PCDHA7: variants seen among roughly 807,000 people sequenced by gnomAD.
PCDHA7 encodes the protein protocadherin alpha-7.
PCDHA7 carries 37 observed loss-of-function variants against 57.2 expected under a neutral mutation model. The ratio of observed to expected loss-of-function variants is 0.65; its 90% CI spans 0.50 to 0.85. The LOEUF (loss-of-function observed/expected upper bound fraction) is 0.85. Among genes scored for constraint, PCDHA7 ranks in the 40% least tolerant of loss-of-function variants. PCDHA7 has a pLI of 0.00. For synonymous variants in PCDHA7, 553 were observed against 558.8 expected, an observed-to-expected ratio of 0.99 and a Z score of 0.15; for missense variants, 1,188 against 1,241.8, an observed-to-expected ratio of 0.96 and a Z score of 0.65.
chr5:140,866,445 T>G (rs2049364254), intron 1 of PCDHA7: 1 of 152,140 alleles, frequency 6.6e-6, no homozygotes, highest in South Asian at 2.1e-4. Flanking sequence ...TCTTCAGTCT[T>G]ATTGTTGGCT....
In PCDHA7 at chr5:141,000,418, TATA is replaced by T. The variant is rs1442097844; in HGVS notation, c.2504-9208_2504-9206del. 6.0e-3 allele frequency among the ~76,000 whole-genome samples: 500 copies of T among 83,616 alleles called. 3 individuals are homozygous for T. The highest frequency in any genetic ancestry group is 7.2e-3 in the African/African-American group (142 of 19,618). 54.9% of individuals were successfully genotyped at this position (83,616 alleles called of 152,430 possible). A position where few individuals can be genotyped will look rare whatever the true frequency, so the allele number is the denominator to read the frequency against. ...CTCTATATATATATATATATATATA[TATA>T]TTTTTTTTTTTTTTTTTTTTTTTGA... On this transcript the variant is annotated intron_variant, in intron 3 of 3. Coordinates refer to ENST00000525929, the MANE Select transcript of PCDHA7 (RefSeq NM_018910.3).
chr5:140,908,846 T>C (rs2074185614), intron 1 of PCDHA7, among the ~76,000 whole-genome samples: 1 of 152,176 alleles, frequency 6.6e-6, no homozygotes, highest in South Asian at 2.1e-4. Context: ...TGGAGTAACA[T>C]ACCCAAATGA....
At chr5:140,946,797 CAG>C (rs1279078142) in intron 1 of PCDHA7, among the ~76,000 whole-genome samples, 2 of 151,052 alleles carry the variant, frequency 1.3e-5, no homozygotes, top group Non-Finnish European at 3.0e-5. Context: ...CTTATAGAAG[CAG>C]AGAGTATAAC....
intron 1 of PCDHA7, among the ~76,000 whole-genome samples, chr5:140,944,988 G>A (rs1554216650): frequency 6.6e-6 from 1 of 152,048 alleles, no homozygotes; most frequent in Non-Finnish European, 1.5e-5. Flanking sequence ...GTCTACTTCT[G>A]TAACGGTTGT....
At position 140,857,694 on chromosome 5, in the gene PCDHA7, C is replaced by T. The variant is rs1554150531; in HGVS notation, c.2355+20956C>T. 1 of 1,597,142 alleles carries T rather than the reference C, an allele frequency of 6.3e-7. No individual in the cohort carries two copies. Among genetic ancestry groups the T allele is most frequent in the Non-Finnish European group, 8.6e-7 (1 of 1,167,746 alleles). On this transcript the variant is annotated intron_variant, in intron 1 of 3. Coordinates refer to ENST00000525929, the MANE Select transcript of PCDHA7 (RefSeq NM_018910.3). Reference sequence around the variant, plus strand: ...GTGCCGCCTCTGGGCAGCAACTTGACGCTGCAGGTGTTCGTGCTGGACGAG... The same window carrying T: ...GTGCCGCCTCTGGGCAGCAACTTGATGCTGCAGGTGTTCGTGCTGGACGAG...
chr5:140,966,520 C>T, intron 1 of PCDHA7: 1 of 437,694 alleles, frequency 2.3e-6, no homozygotes, highest in East Asian at 3.5e-5. Context: ...CAGCAGGAAG[C>T]CGAGCCGGGT....
chr5:140,851,914 A>C (rs1213624827), intron 1 of PCDHA7: 2 of 969,578 alleles, frequency 2.1e-6, no homozygotes, highest in East Asian at 2.3e-4. Context: ...ATGTCACTAC[A>C]TGTTATGTTT....
chr5:140,869,442 G>A (rs782686984), intron 1 of PCDHA7: 3 of 1,614,208 alleles, frequency 1.9e-6, no homozygotes, highest in African/African-American at 1.3e-5. Flanking sequence ...TGGACAGGCC[G>A]CTGCAGGTTT....
At chr5:140,905,950 T>C (rs2072233262) in intron 1 of PCDHA7, among the ~76,000 whole-genome samples, 1 of 152,206 alleles carries the variant, frequency 6.6e-6, no homozygotes, top group Non-Finnish European at 1.5e-5. Flanking sequence ...TGGAATCCGA[T>C]GTTCAAGGGG....
chr5:140,850,923 A>AT lies in PCDHA7; in HGVS notation c.2355+14193dup, dbSNP rs2150502772. On this transcript the variant is annotated intron_variant, in intron 1 of 3. Coordinates refer to ENST00000525929, the MANE Select transcript of PCDHA7 (RefSeq NM_018910.3). ...TTCTAGCATTTTATTTATTTATATA[A>AT]TTTTTTTTCTTGAAAGATATTATCG... 4.0e-5 allele frequency: 61 copies of AT among 1,521,758 alleles called. 2 individuals are homozygous for AT. Among genetic ancestry groups the AT allele is most frequent in the Middle Eastern group, 2.1e-4 (1 of 4,736 alleles). The allele number at this position is 1,521,758 out of a possible 1,614,324, so 94.3% of individuals were successfully genotyped here. A position where few individuals can be genotyped will look rare whatever the true frequency, so the allele number is the denominator to read the frequency against.
chr5:140,960,258 T>G (rs551623092), intron 1 of PCDHA7, among the ~76,000 whole-genome samples: 1 of 152,248 alleles, frequency 6.6e-6, no homozygotes, highest in Non-Finnish European at 1.5e-5. Context: ...CTGGAGCTTC[T>G]GATAAATTCC....
At chr5:140,919,925 G>A (rs2079351459) in intron 1 of PCDHA7, among the ~76,000 whole-genome samples, 1 of 152,124 alleles carries the variant, frequency 6.6e-6, no homozygotes, top group African/African-American at 2.4e-5. Flanking sequence ...AAATTTTCAG[G>A]TGGGGGCTAA....
At chr5:140,928,121 A>C in intron 1 of PCDHA7, 1 of 1,614,194 alleles carries the variant, frequency 6.2e-7, no homozygotes, top group Non-Finnish European at 8.5e-7. Flanking sequence ...CAGATCAGTG[A>C]ATACCAAGTC....
At chr5:140,843,387 C>T in intron 1 of PCDHA7, 1 of 1,596,066 alleles carries the variant, frequency 6.3e-7, no homozygotes, top group Non-Finnish European at 8.6e-7. Context: ...GTTTTGGGTC[C>T]GGAAGCGGCG....
chr5:140,869,730 T>G (rs1319130298), intron 1 of PCDHA7: 24 of 1,613,274 alleles, frequency 1.5e-5, no homozygotes, highest in Non-Finnish European at 2.0e-5. Context: ...CGGAACTTAA[T>G]TTGCTGCTAA....
intron 1 of PCDHA7, chr5:140,883,754 G>C: frequency 3.1e-6 from 5 of 1,613,118 alleles, no homozygotes; most frequent in Non-Finnish European, 4.2e-6. Flanking sequence ...CTCGCTGGTG[G>C]AGCGGCGGGT....
At chr5:141,002,474 C>T (rs141241701) in intron 3 of PCDHA7, among the ~76,000 whole-genome samples, 65 of 152,334 alleles carry the variant, frequency 4.3e-4, no homozygotes, top group African/African-American at 1.3e-3. Flanking sequence ...TTAGCATTTT[C>T]AAAGGATGAC....
intron 1 of PCDHA7, chr5:140,862,369 C>G: frequency 2.9e-6 from 1 of 341,442 alleles, no homozygotes; most frequent in South Asian, 2.3e-5. Flanking sequence ...CGACCCGCAC[C>G]CTGACTCCTC....
Position 140,857,247 on chromosome 5 carries a change from A to G in PCDHA7, c.2355+20509A>G. ...GTTCCGTTCAAGCTGGTGTCCACCT[A>G]CAAGAATTACTACTCATTGGTGCTG... is the stretch of plus-strand genomic sequence containing the variant. On this transcript the variant is annotated intron_variant, in intron 1 of 3. Coordinates refer to ENST00000525929, the MANE Select transcript of PCDHA7 (RefSeq NM_018910.3). 3 of 1,598,564 alleles carry G rather than the reference A, an allele frequency of 1.9e-6. 1 individual carries two copies. Among genetic ancestry groups the G allele is most frequent in the African/African-American group, 2.7e-5 (2 of 74,420 alleles).
Sources: allele counts gnomAD v4.1 joint callset (sites outside exome capture counted in the v4.1 genomes callset), GRCh38; gene constraint gnomAD v4.1.1; transcripts MANE v1.5; gene names NCBI Gene and HGNC (gene_info 2026-07-23, HGNC 2026-07-21).